The following FRMPD1 variants were observed in gnomAD, a reference collection of about 807,000 sequenced individuals.
The protein encoded by FRMPD1 is FERM and PDZ domain-containing protein 1.
Under a neutral mutation model 117.8 loss-of-function variants are expected in FRMPD1, and 76 were observed. The ratio of observed to expected loss-of-function variants is 0.65; its 90% confidence interval spans 0.54 to 0.78. The LOEUF (loss-of-function observed/expected upper bound fraction) is 0.78, where lower values mean the gene tolerates loss of function less well. Ranked by LOEUF, FRMPD1 falls within the 30% of genes least tolerant of loss-of-function variation. The pLI, the probability that FRMPD1 is intolerant of heterozygous loss-of-function variation, is 0.00. For synonymous variants in FRMPD1, 783 were observed against 770.4 expected (o/e 1.02, Z -0.27); for missense variants, 1,786 against 1,964.5 (o/e 0.91, Z 1.72).
intron 5 of FRMPD1, chr9:37,715,643 T>C: frequency 2.2e-6 from 1 of 456,284 alleles, no homozygotes; most frequent in South Asian, 1.5e-5. Flanking sequence ...CTCATATCCT[T>C]TGAATTGTCT....
At chr9:37,635,848 G>C in the FRMPD1 span, among the ~76,000 whole-genome samples, 1 of 152,226 alleles carries the variant, frequency 6.6e-6, no homozygotes, top group East Asian at 1.9e-4. Flanking sequence ...TCCAGAGACC[G>C]AGGGGAGAGT....
chr9:37,649,916 TC>T (rs1366549068), upstream of FRMPD1, among the ~76,000 whole-genome samples: 1 of 152,178 alleles, frequency 6.6e-6, no homozygotes, highest in Non-Finnish European at 1.5e-5. Context: ...TGAAAGGCTC[TC>T]TCCACACTCC....
intron 1 of FRMPD1, 45 bp from the exon 2 acceptor site, chr9:37,692,593 A>C (rs771123571): frequency 8.3e-7 from 1 of 1,210,930 alleles, no homozygotes; most frequent in Non-Finnish European, 1.2e-6. Context: ...AATCCTCTTT[A>C]GAGTATTTTG....
intron 5 of FRMPD1, among the ~76,000 whole-genome samples, chr9:37,718,739 G>C (rs1008486818): frequency 6.6e-5 from 10 of 152,212 alleles, no homozygotes; most frequent in Admixed American, 5.9e-4. Context: ...ATTTGAGTTT[G>C]AGATAGTTCT....
At chr9:37,727,974 A>G (rs1033071438) in intron 7 of FRMPD1, 2 of 152,228 alleles carry the variant, frequency 1.3e-5, no homozygotes, top group Non-Finnish European at 2.9e-5. Flanking sequence ...CACTGGATAT[A>G]CTGCATAACA....
intron 2 of FRMPD1, among the ~76,000 whole-genome samples, chr9:37,695,586 A>G (rs1822291770): frequency 6.6e-6 from 1 of 152,146 alleles, no homozygotes; most frequent in African/African-American, 2.4e-5. Context: ...TGGTGTCCTC[A>G]GATTACTAGA....
At chr9:37,687,180 T>C (rs1821978828) in intron 1 of FRMPD1, among the ~76,000 whole-genome samples, 1 of 152,222 alleles carries the variant, frequency 6.6e-6, no homozygotes, top group African/African-American at 2.4e-5. Flanking sequence ...TGCTGGGATC[T>C]ACCAGGAACA....
intron 8 of FRMPD1, 24 bp downstream of exon 8, chr9:37,729,877 C>A: frequency 6.2e-7 from 1 of 1,609,954 alleles, no homozygotes; most frequent in Non-Finnish European, 8.5e-7. Flanking sequence ...ACCGCCTGTT[C>A]CTGGGAGGCA....
chr9:37,733,659 A>G (rs1823993159), intron 11 of FRMPD1, 60 bp downstream of exon 11: 1 of 1,603,578 alleles, frequency 6.2e-7, no homozygotes, highest in Non-Finnish European at 8.5e-7. Context: ...TAGGAAAAAC[A>G]TTTTCAACAC....
At chr9:37,623,580 TA>T in the FRMPD1 span, among the ~76,000 whole-genome samples, 1,687 of 152,116 alleles carry the variant, frequency 0.011, 30 homozygotes, top group African/African-American at 0.038. Context: ...ACAGAAGACA[TA>T]GGGGAGTCAT....
At chr9:37,676,881 GT>G (rs1436951582) in intron 1 of FRMPD1, among the ~76,000 whole-genome samples, 1 of 152,196 alleles carries the variant, frequency 6.6e-6, no homozygotes, top group Non-Finnish European at 1.5e-5. Context: ...TTGGTTAGGA[GT>G]TTTCTATGTG....
chr9:37,729,807 G>GCATCTC lies in FRMPD1; in HGVS notation c.694_699dup (p.Ile232_Ser233dup). On this transcript the variant is annotated inframe_insertion, in exon 8 of 16. Coordinates refer to ENST00000377765, the MANE Select transcript of FRMPD1 (RefSeq NM_014907.3). ...GCACTGGCCCTGGAAGAGCAGTACA[G>GCATCTC]CATCTCCCGGCTGCACCTGCTGCAC... The GCATCTC allele has an allele frequency of 1.2e-6, 2 of 1,614,010 alleles. No homozygotes were observed. Among genetic ancestry groups the GCATCTC allele is most frequent in the Non-Finnish European group, 1.7e-6 (2 of 1,179,942 alleles).
chr9:37,694,082 G>A (rs1392169061), intron 2 of FRMPD1, among the ~76,000 whole-genome samples: 1 of 152,188 alleles, frequency 6.6e-6, no homozygotes, highest in African/African-American at 2.4e-5. Context: ...AGAAGTGATT[G>A]TCTTGCATGA....
Position 37,711,329 on chromosome 9 carries a change from CT to C in FRMPD1, c.363-18del. On this transcript the variant is annotated intron_variant, in intron 4 of 15. Transcript: ENST00000377765. The stretch of plus-strand genomic sequence containing the variant: ...ACGCAGAACGACTAAATGTTTTTGT[CT>C]TTATTCTTTCTTTTTTCAGGGAAGC... 1 of 1,571,060 alleles carries C rather than the reference CT, an allele frequency of 6.4e-7. No homozygotes were observed. Among genetic ancestry groups the C allele is most frequent in the Non-Finnish European group, 8.8e-7 (1 of 1,140,984 alleles).
chr9:37,617,086 T>C, the FRMPD1 span, among the ~76,000 whole-genome samples: 14 of 152,256 alleles, frequency 9.2e-5, no homozygotes, highest in Non-Finnish European at 1.6e-4. Context: ...CCTAGGTATG[T>C]GATTTTGCTC....
chr9:37,645,112 AAAG>A, the FRMPD1 span, among the ~76,000 whole-genome samples: 19 of 151,466 alleles, frequency 1.3e-4, no homozygotes, highest in Non-Finnish European at 2.6e-4. Flanking sequence ...AAAAAAAAAA[AAAG>A]AGAGAGAGAG....
chr9:37,697,842 C>T (rs898525652), intron 2 of FRMPD1, among the ~76,000 whole-genome samples: 3 of 152,162 alleles, frequency 2.0e-5, no homozygotes, highest in African/African-American at 7.2e-5. Flanking sequence ...TTCGGCTGGG[C>T]GTGGTGGCTC....
rs1250878827 is a variant in FRMPD1, at chr9:37,745,949, T to A, written c.3917T>A (p.Val1306Asp). The A allele has an allele frequency of 1.9e-6, 3 of 1,614,056 alleles. No individual in the cohort carries two copies. In the Admixed American group the frequency reaches 5.0e-5, roughly 27 times the overall value. ...LCFAPESHPE[V>D]SASLRVATSL... Reference sequence around the variant, plus strand: ...TTTGCCCCAGAAAGCCATCCTGAAGTCTCTGCCAGTCTCAGGGTGGCCACA... The same window carrying A: ...TTTGCCCCAGAAAGCCATCCTGAAGACTCTGCCAGTCTCAGGGTGGCCACA... The change falls in exon 16 of 16, where the codon GTC (valine) becomes GAC (aspartate). Residue 1306 changes from valine to aspartate, a missense_variant. Val to Asp is a radical substitution (Grantham distance 152). Transcript: ENST00000377765.
Position 37,655,947 on chromosome 9 carries a change from T to G in FRMPD1, c.-5+4853T>G, listed in dbSNP as rs1251020717. On this transcript the variant is annotated intron_variant, in intron 1 of 15. Transcript: ENST00000377765. ...ATCCTACCACCCTTAGGAAGCTGTC[T>G]TCCAGATCCCCTCATCCCAGGGATT... is the stretch of plus-strand genomic sequence containing the variant. Among the ~76,000 whole-genome samples, 6 of 152,294 alleles carry G rather than the reference T, an allele frequency of 3.9e-5. 1 individual carries two copies. Among genetic ancestry groups the G allele is most frequent in the South Asian group, 4.2e-4 (2 of 4,818 alleles).
Sources: gnomAD v4.1 joint callset for allele counts (sites outside exome capture counted in the v4.1 genomes callset) on GRCh38, gnomAD v4.1.1 for gene constraint, MANE v1.5 for transcripts, NCBI Gene and HGNC (gene_info 2026-07-23, HGNC 2026-07-21) for gene names.